Variants in NDFIP1 observed in about 807,000 individuals in gnomAD.
NDFIP1 encodes Nedd4 family interacting protein 1, also known as NEDD4 family-interacting protein 1.
A neutral mutation model predicts 28.8 loss-of-function variants in NDFIP1; 7 were observed. The observed-to-expected ratio is 0.24, with a 90% CI of 0.14 to 0.46. The LOEUF is 0.46. Ranked by LOEUF, NDFIP1 falls within the 20% of genes least tolerant of loss-of-function variation. The probability of loss-of-function intolerance (pLI) is 0.99; values close to 1 mark genes in which losing one functional copy is unlikely to be tolerated. For synonymous variants in NDFIP1, 92 were observed against 101.0 expected (o/e 0.91, Z 0.53); for missense variants, 194 against 269.1 (o/e 0.72, Z 1.95).
At chr5:142,129,594 A>G (rs1175361413) in intron 1 of NDFIP1, among the ~76,000 whole-genome samples, 1 of 152,158 alleles carries the variant, frequency 6.6e-6, no homozygotes, top group Non-Finnish European at 1.5e-5. Flanking sequence ...CTGGTTTTGA[A>G]CAGCATAGTG....
chr5:142,118,672 T>G (rs1366403579), intron 1 of NDFIP1, among the ~76,000 whole-genome samples: 1 of 152,226 alleles, frequency 6.6e-6, no homozygotes, highest in Non-Finnish European at 1.5e-5. Context: ...TGGGGAGTTA[T>G]GTAACACCTC....
chr5:142,129,664 C>T (rs898065505), intron 1 of NDFIP1, among the ~76,000 whole-genome samples: 2 of 152,048 alleles, frequency 1.3e-5, no homozygotes, highest in East Asian at 1.9e-4. Flanking sequence ...CAATGGCTCA[C>T]GCCTGTAATT....
intron 1 of NDFIP1, among the ~76,000 whole-genome samples, chr5:142,129,857 G>A (rs1275278640): frequency 6.8e-6 from 1 of 146,782 alleles, no homozygotes. Flanking sequence ...GTTTCAGTGA[G>A]CCGAGATCCC....
chr5:142,121,695 A>T (rs1757123828), intron 1 of NDFIP1, among the ~76,000 whole-genome samples: 1 of 152,140 alleles, frequency 6.6e-6, no homozygotes, highest in Non-Finnish European at 1.5e-5. Context: ...AACCATCATC[A>T]CTGTCCTCTC....
rs1757450519 is a variant in NDFIP1, at chr5:142,151,918, GA to G, written c.*192del. The G allele has an allele frequency of 6.5e-6, 1 of 152,742 alleles. No individual in the cohort carries two copies. The highest frequency in any genetic ancestry group is 6.5e-5 in the Admixed American group (1 of 15,274). 9.5% of individuals were successfully genotyped at this position (152,742 alleles called of 1,614,324 possible). Reference sequence around the variant, plus strand: ...GTGTAAAATTTTAATAGTTAATGCAGAATTCTGTAATCATTGAATCATTAGT... The same window carrying G: ...GTGTAAAATTTTAATAGTTAATGCAGATTCTGTAATCATTGAATCATTAGT... On this transcript the variant is annotated 3_prime_UTR_variant, in exon 8 of 8. Coordinates refer to ENST00000253814, the MANE Select transcript of NDFIP1 (RefSeq NM_030571.4).
At chr5:142,141,930 T>A (rs62381979) in intron 6 of NDFIP1, among the ~76,000 whole-genome samples, 45,033 of 152,006 alleles carry the variant, frequency 0.3, 7,434 homozygotes, top group Non-Finnish European at 0.37. Flanking sequence ...GGCCAGGATT[T>A]TAAGACCAGC....
intron 1 of NDFIP1, among the ~76,000 whole-genome samples, chr5:142,124,318 C>T (rs1414735392): frequency 6.6e-6 from 1 of 152,160 alleles, no homozygotes; most frequent in Non-Finnish European, 1.5e-5. Flanking sequence ...GGGTTGATTT[C>T]TGCTAGTTCC....
Position 142,132,278 on chromosome 5 carries a change from T to C in NDFIP1, c.218T>C (p.Leu73Pro). 1.2e-6 allele frequency: 2 copies of C among 1,614,150 alleles called. No homozygotes were observed. The highest frequency in any genetic ancestry group is 1.7e-6 in the Non-Finnish European group (2 of 1,179,992). The change falls in exon 3 of 8, where the codon CTG (leucine) becomes CCG (proline). Residue 73 changes from leucine to proline, a missense_variant. By Grantham distance (98) the Leu-to-Pro change is moderately conservative. Transcript: ENST00000253814. ...CCATCTTACAATGTAGCTACAACAC[T>C]GCCCAGTTATGATGAAGCGGAGAGG... Reference protein sequence around the residue: ...KPPSYNVATTLPSYDEAERTK... With the variant: ...KPPSYNVATTPPSYDEAERTK...
chr5:142,145,423 A>G (rs956909881), intron 7 of NDFIP1, among the ~76,000 whole-genome samples: 3 of 152,122 alleles, frequency 2.0e-5, no homozygotes, highest in African/African-American at 7.2e-5. Flanking sequence ...CTGTGGTAGC[A>G]AGTTCTAATA....
At chr5:142,132,171 C>G (rs1561601733) in intron 2 of NDFIP1, 41 bp from the exon 3 acceptor site, 1 of 1,601,138 alleles carries the variant, frequency 6.2e-7, no homozygotes, top group Non-Finnish European at 8.5e-7. Context: ...TATTTCAATT[C>G]AGCTAATCAT....
At chr5:142,135,323 C>T (rs1017425759) in intron 3 of NDFIP1, among the ~76,000 whole-genome samples, 14 of 152,040 alleles carry the variant, frequency 9.2e-5, no homozygotes, top group African/African-American at 3.4e-4. Flanking sequence ...AACAGGTCCT[C>T]GATTACTGAT....
intron 1 of NDFIP1, among the ~76,000 whole-genome samples, chr5:142,128,269 G>T (rs748565607): frequency 6.6e-6 from 1 of 152,102 alleles, no homozygotes; most frequent in Non-Finnish European, 1.5e-5. Context: ...ACAATGCCGC[G>T]TATTCTTTCA....
intron 1 of NDFIP1, among the ~76,000 whole-genome samples, chr5:142,113,005 C>A (rs976462609): frequency 1.3e-5 from 2 of 152,070 alleles, no homozygotes; most frequent in African/African-American, 4.8e-5. Context: ...AGATCTTCTG[C>A]GGTAGATGTG....
At chr5:142,117,430 A>G (rs1757080153) in intron 1 of NDFIP1, among the ~76,000 whole-genome samples, 3 of 151,582 alleles carry the variant, frequency 2.0e-5, no homozygotes, top group African/African-American at 4.8e-5. Context: ...TTTTTAGCAG[A>G]GGGGGTTTCA....
At chr5:142,137,663 C>T in intron 4 of NDFIP1, 71 bp from the exon 5 acceptor site, 1 of 1,553,246 alleles carries the variant, frequency 6.4e-7, no homozygotes, top group Admixed American at 1.8e-5. Context: ...TAAACAGAGG[C>T]AGGTGTAAGG....
chr5:142,145,846 G>T (rs1757383210), intron 7 of NDFIP1, among the ~76,000 whole-genome samples: 1 of 152,286 alleles, frequency 6.6e-6, no homozygotes, highest in East Asian at 1.9e-4. Context: ...CGTGGAGCAC[G>T]AATTTGTTCT....
chr5:142,137,675 A>T (rs1170537765), intron 4 of NDFIP1, 59 bp from the exon 5 acceptor site: 1 of 1,594,246 alleles, frequency 6.3e-7, no homozygotes, highest in Admixed American at 1.7e-5. Context: ...GGTGTAAGGC[A>T]CTCTTGTTCT....
At position 142,153,593 on chromosome 5, in the gene NDFIP1, G is replaced by T; in HGVS notation, c.*1865G>T. 1 of 294,928 alleles carries T rather than the reference G, an allele frequency of 3.4e-6. No individual in the cohort carries two copies. Among genetic ancestry groups the T allele is most frequent in the Non-Finnish European group, 6.8e-6 (1 of 147,112 alleles). 18.3% of individuals were successfully genotyped at this position (294,928 alleles called of 1,614,324 possible). On this transcript the variant is annotated 3_prime_UTR_variant, in exon 8 of 8. Transcript: ENST00000253814. ...TGATAATAGAGAAGGGAGTTTTATGGAAGTTTCTTTGAAGATTTTTTTTTT... is the reference window on the plus strand; with the variant it reads ...TGATAATAGAGAAGGGAGTTTTATGTAAGTTTCTTTGAAGATTTTTTTTTT...
At chr5:142,121,981 G>A (rs933566764) in intron 1 of NDFIP1, among the ~76,000 whole-genome samples, 3 of 152,112 alleles carry the variant, frequency 2.0e-5, no homozygotes, top group Non-Finnish European at 2.9e-5. Context: ...GTCCACAGAG[G>A]GCTCACAGTC....
Sources: gnomAD v4.1 joint callset for allele counts (sites outside exome capture counted in the v4.1 genomes callset) on GRCh38, gnomAD v4.1.1 for gene constraint, MANE v1.5 for transcripts, NCBI Gene and HGNC (gene_info 2026-07-23, HGNC 2026-07-21) for gene names.